PHF24: variants seen among roughly 807,000 people sequenced by gnomAD.
PHF24 encodes Galpha inhibitory interacting protein.
In PHF24, 25 loss-of-function variants were observed where a neutral mutation model predicts 42.6. The ratio of observed to expected loss-of-function variants is 0.59; its 90% confidence interval spans 0.43 to 0.82. The LOEUF is 0.82. Among genes scored for constraint, PHF24 ranks in the 40% least tolerant of loss-of-function variants. The pLI is 0.00. For synonymous variants in PHF24, 185 were observed against 204.8 expected (o/e 0.90, Z 0.83); for missense variants, 470 against 538.1 (o/e 0.87, Z 1.25).
the PHF24 span, among the ~76,000 whole-genome samples, chr9:34,862,199 A>G: frequency 6.6e-6 from 1 of 152,136 alleles, no homozygotes; most frequent in African/African-American, 2.4e-5. Context: ...CTAGGACCCT[A>G]AATAAACTCA....
chr9:34,890,524 T>C, the PHF24 span, among the ~76,000 whole-genome samples: 2 of 152,336 alleles, frequency 1.3e-5, no homozygotes, highest in African/African-American at 2.4e-5. Context: ...ACTAGATCAC[T>C]TGTAGCTCTG....
chr9:34,853,672 C>CA, the PHF24 span, among the ~76,000 whole-genome samples: 1 of 151,726 alleles, frequency 6.6e-6, no homozygotes, highest in African/African-American at 2.4e-5. Flanking sequence ...ACTAAAAATA[C>CA]AAAAAATTAG....
chr9:34,733,636 G>T, the PHF24 span, among the ~76,000 whole-genome samples: 3 of 151,930 alleles, frequency 2.0e-5, no homozygotes, highest in Non-Finnish European at 2.9e-5. Context: ...TAGTAGCTGG[G>T]ATCACAGGCA....
chr9:34,738,732 G>A, the PHF24 span, among the ~76,000 whole-genome samples: 2 of 152,204 alleles, frequency 1.3e-5, no homozygotes, highest in African/African-American at 4.8e-5. Flanking sequence ...CTTCTGGGAA[G>A]GAGTTTCTTT....
chr9:34,784,061 C>A, the PHF24 span, among the ~76,000 whole-genome samples: 3 of 152,196 alleles, frequency 2.0e-5, no homozygotes, highest in Non-Finnish European at 4.4e-5. Flanking sequence ...TTCCTCTGTG[C>A]TCGAGTCAGT....
At chr9:34,956,786 CACA>C (rs1265451929), upstream of PHF24, among the ~76,000 whole-genome samples, 9 of 152,198 alleles carry the variant, frequency 5.9e-5, no homozygotes, top group African/African-American at 1.9e-4. Flanking sequence ...GTGCTAGTTT[CACA>C]ACAAGCAAAA....
the PHF24 span, among the ~76,000 whole-genome samples, chr9:34,855,745 A>C: frequency 1.2e-4 from 19 of 152,110 alleles, no homozygotes; most frequent in South Asian, 3.7e-3. Flanking sequence ...TCTGATGATT[A>C]TGTGTCTTGG....
chr9:34,971,364 T>C, exon 2 of PHF24: 1 of 1,614,100 alleles, frequency 6.2e-7, no homozygotes. Context: ...TGGCTGTGTC[T>C]GCTTTCAAGG....
the PHF24 span, among the ~76,000 whole-genome samples, chr9:34,831,584 G>C: frequency 6.6e-6 from 1 of 152,104 alleles, no homozygotes; most frequent in Non-Finnish European, 1.5e-5. Context: ...CCTTGGGTTT[G>C]CCTCCTGGCT....
At chr9:34,705,627 T>C in the PHF24 span, among the ~76,000 whole-genome samples, 4 of 152,196 alleles carry the variant, frequency 2.6e-5, no homozygotes, top group Non-Finnish European at 2.9e-5. Flanking sequence ...AAATTTACTG[T>C]AGTTTTAGTC....
chr9:34,894,919 G>A, the PHF24 span: 1 of 397,188 alleles, frequency 2.5e-6, no homozygotes, highest in Non-Finnish European at 4.4e-6. Flanking sequence ...GTCCCTGGGG[G>A]GTACTAGAGT....
At chr9:34,892,084 T>C in the PHF24 span, among the ~76,000 whole-genome samples, 1 of 152,166 alleles carries the variant, frequency 6.6e-6, no homozygotes, top group Non-Finnish European at 1.5e-5. Flanking sequence ...AGGCAGACAG[T>C]AATGTGCAGA....
At chr9:34,719,571 G>T in the PHF24 span, among the ~76,000 whole-genome samples, 1 of 152,116 alleles carries the variant, frequency 6.6e-6, no homozygotes, top group Non-Finnish European at 1.5e-5. Context: ...GCTCATCTTT[G>T]CCCCCAGTTC....
chr9:34,888,544 G>A, the PHF24 span, among the ~76,000 whole-genome samples: 8 of 152,158 alleles, frequency 5.3e-5, no homozygotes, highest in African/African-American at 1.9e-4. Flanking sequence ...TCTCAGTTGG[G>A]TTACCCTTAA....
the PHF24 span, chr9:34,723,351 C>T: frequency 2.3e-5 from 36 of 1,551,646 alleles, 1 homozygote; most frequent in South Asian, 1.8e-4. Context: ...CGGAGCTTAT[C>T]GTCTAGGGAT....
At chr9:34,895,507 A>G in the PHF24 span, 12 of 398,364 alleles carry the variant, frequency 3.0e-5, no homozygotes, top group Non-Finnish European at 4.9e-5. Context: ...GCTAAGAGTA[A>G]CAAGAGAAAG....
chr9:34,699,637 G>A, the PHF24 span, among the ~76,000 whole-genome samples: 1 of 152,188 alleles, frequency 6.6e-6, no homozygotes, highest in Non-Finnish European at 1.5e-5. Context: ...CCATCTGCCT[G>A]GAGTGCCTGT....
the PHF24 span, among the ~76,000 whole-genome samples, chr9:34,919,090 T>G: frequency 5.9e-5 from 9 of 152,190 alleles, no homozygotes; most frequent in Non-Finnish European, 1.2e-4. Flanking sequence ...AGTTTTAAGT[T>G]TACAGAAAAA....
chr9:34,691,575 T>A, the PHF24 span, among the ~76,000 whole-genome samples: 1 of 152,212 alleles, frequency 6.6e-6, no homozygotes, highest in African/African-American at 2.4e-5. Context: ...AAGCTGGGGT[T>A]CAGAAGTGAT....
Sources: allele counts gnomAD v4.1 joint callset (sites outside exome capture counted in the v4.1 genomes callset), GRCh38; gene constraint gnomAD v4.1.1; transcripts MANE v1.5; gene names NCBI Gene and HGNC (gene_info 2026-07-23, HGNC 2026-07-21).